ARL13B: variants seen among roughly 807,000 people sequenced by gnomAD.
The protein encoded by ARL13B is ARF like GTPase 13B, also known as ADP-ribosylation factor-like protein 13B.
Under a neutral mutation model 56.1 loss-of-function variants are expected in ARL13B, and 36 were observed. The observed-to-expected ratio is 0.64, with a 90% CI of 0.49 to 0.85. The LOEUF is 0.85. Among genes scored for constraint, ARL13B ranks in the 40% least tolerant of loss-of-function variants. The probability of loss-of-function intolerance (pLI) is 0.00; values close to 1 mark genes in which losing one functional copy is unlikely to be tolerated. For missense variants in ARL13B, 519 were observed against 507.1 expected, an observed-to-expected ratio of 1.02 and a Z score of -0.23; for synonymous variants, 178 against 171.1, an observed-to-expected ratio of 1.04 and a Z score of -0.32.
chr3:94,035,928 T>C (rs2076759664), intron 4 of ARL13B, among the ~76,000 whole-genome samples: 1 of 151,938 alleles, frequency 6.6e-6, no homozygotes, highest in Non-Finnish European at 1.5e-5. Flanking sequence ...AAAAACTAGC[T>C]GGGTGTGGTA....
At chr3:94,008,046 A>C (rs972231780) in intron 3 of ARL13B, among the ~76,000 whole-genome samples, 1 of 152,178 alleles carries the variant, frequency 6.6e-6, no homozygotes, top group Admixed American at 6.6e-5. Flanking sequence ...TTCTATAATA[A>C]AAGTAACTGT....
At chr3:93,983,943 A>C (rs1000577119) in intron 1 of ARL13B, among the ~76,000 whole-genome samples, 3 of 152,214 alleles carry the variant, frequency 2.0e-5, no homozygotes, top group African/African-American at 7.2e-5. Context: ...CTTAATTACT[A>C]ATAGCCTCCT....
chr3:94,053,125 T>C (rs1304433530), intron 9 of ARL13B, 62 bp from the exon 10 acceptor site: 5 of 1,323,856 alleles, frequency 3.8e-6, no homozygotes, highest in South Asian at 1.2e-5. Context: ...AATAATGAAC[T>C]GTGTCAAAAA....
Position 94,053,513 on chromosome 3 carries a change from G to A in ARL13B, c.*250G>A. The A allele has an allele frequency of 3.3e-6, 2 of 608,942 alleles. No individual in the cohort carries two copies. The highest frequency in any genetic ancestry group is 3.1e-6 in the Non-Finnish European group (1 of 327,500). 37.7% of individuals were successfully genotyped at this position (608,942 alleles called of 1,614,324 possible). A position where few individuals can be genotyped will look rare whatever the true frequency, so the allele number is the denominator to read the frequency against. On this transcript the variant is annotated 3_prime_UTR_variant, in exon 10 of 10. Transcript: ENST00000394222. ...TTGGACCAAATTAGCAAGATTTACTGTTGACTCTGGTTTATACATCCCCAC... is the reference window on the plus strand; with the variant it reads ...TTGGACCAAATTAGCAAGATTTACTATTGACTCTGGTTTATACATCCCCAC...
chr3:94,033,230 G>A (rs2076707930), intron 3 of ARL13B, among the ~76,000 whole-genome samples: 1 of 152,110 alleles, frequency 6.6e-6, no homozygotes, highest in Non-Finnish European at 1.5e-5. Context: ...GAGGGTGGAA[G>A]GGGAGTTAGA....
At chr3:94,032,748 G>A (rs924259618) in intron 3 of ARL13B, among the ~76,000 whole-genome samples, 42 of 152,082 alleles carry the variant, frequency 2.8e-4, no homozygotes, top group Non-Finnish European at 4.6e-4. Flanking sequence ...CGCCCGCCTC[G>A]GCCTCCCAAA....
chr3:94,045,950 C>CAAAAA (rs1199964643), intron 7 of ARL13B, among the ~76,000 whole-genome samples: 3 of 44,426 alleles, frequency 6.8e-5, no homozygotes, highest in Non-Finnish European at 8.2e-5. Flanking sequence ...GACTCCATCA[C>CAAAAA]AAAAAAAAAA....
At chr3:94,006,225 G>A (rs2076132357) in intron 3 of ARL13B, among the ~76,000 whole-genome samples, 1 of 152,136 alleles carries the variant, frequency 6.6e-6, no homozygotes, top group Admixed American at 6.5e-5. Flanking sequence ...AAACCTGGGA[G>A]GTGGAGGTTG....
At chr3:93,991,108 C>A (rs1387082918) in intron 1 of ARL13B, among the ~76,000 whole-genome samples, 4 of 152,030 alleles carry the variant, frequency 2.6e-5, no homozygotes, top group African/African-American at 9.7e-5. Context: ...TTTTTGTGTC[C>A]ACAATGCTTA....
intron 7 of ARL13B, among the ~76,000 whole-genome samples, chr3:94,047,039 T>G (rs2076995369): frequency 6.6e-6 from 1 of 152,176 alleles, no homozygotes; most frequent in African/African-American, 2.4e-5. Flanking sequence ...ATCTCTAAAA[T>G]GCAAATAAAT....
chr3:94,030,327 A>G (rs1318585372), intron 3 of ARL13B, among the ~76,000 whole-genome samples: 1 of 151,800 alleles, frequency 6.6e-6, no homozygotes, highest in Non-Finnish European at 1.5e-5. Context: ...CCTGGGTTCA[A>G]GCGATTCTCA....
rs2077030562 is a variant in ARL13B, at chr3:94,049,293, A to G, written c.1025-113A>G. 6 of 591,678 alleles carry G rather than the reference A, an allele frequency of 1.0e-5. No individual in the cohort carries two copies. The South Asian group carries it at 1.6e-4, about 15-fold the overall frequency. The allele number at this position is 591,678 out of a possible 1,614,324, so 36.7% of individuals were successfully genotyped here. A position where few individuals can be genotyped will look rare whatever the true frequency, so the allele number is the denominator to read the frequency against. The stretch of plus-strand genomic sequence containing the variant: ...ATTGTAACAATTTCCAAAGTTAAAT[A>G]GTCAAGATGTTTTTTGTTAATAATA... On this transcript the variant is annotated intron_variant, in intron 7 of 9. Transcript: ENST00000394222.
At chr3:94,004,045 T>A in intron 3 of ARL13B, 137 bp downstream of exon 3, 2 of 1,320,392 alleles carry the variant, frequency 1.5e-6, no homozygotes, top group Non-Finnish European at 2.1e-6. Flanking sequence ...AACTGGGAGT[T>A]GTTAATTTAC....
intron 2 of ARL13B, among the ~76,000 whole-genome samples, chr3:94,000,410 C>A (rs968189203): frequency 6.6e-6 from 1 of 152,010 alleles, no homozygotes; most frequent in Non-Finnish European, 1.5e-5. Context: ...ATCTAGGATT[C>A]TCTTGACTAT....
intron 3 of ARL13B, among the ~76,000 whole-genome samples, chr3:94,011,265 A>G (rs2076219621): frequency 6.6e-6 from 1 of 152,142 alleles, no homozygotes; most frequent in Non-Finnish European, 1.5e-5. Flanking sequence ...CCAGTCATCT[A>G]CACATTCTGT....
chr3:94,026,456 G>A (rs2076559859), intron 3 of ARL13B, among the ~76,000 whole-genome samples: 1 of 151,994 alleles, frequency 6.6e-6, no homozygotes, highest in Admixed American at 6.6e-5. Context: ...TGACTTGATA[G>A]GTACTCAAAT....
chr3:93,997,319 T>A, intron 2 of ARL13B, among the ~76,000 whole-genome samples: 1 of 152,254 alleles, frequency 6.6e-6, no homozygotes, highest in South Asian at 2.1e-4. Context: ...TTGGGAGAAA[T>A]GCATAACATG....
At chr3:93,991,745 A>G (rs538006838) in intron 1 of ARL13B, among the ~76,000 whole-genome samples, 1 of 152,336 alleles carries the variant, frequency 6.6e-6, no homozygotes, top group South Asian at 2.1e-4. Flanking sequence ...ACCTCTTTAT[A>G]GAAGTTTGAG....
In ARL13B at chr3:94,049,645, A is replaced by G. The variant is rs1040136863; in HGVS notation, c.1141+123A>G. ...TATTCATTATCTTGTATACTTGTGAAGAAGAATCTTTTACTCTGATTTGGA... is the reference window on the plus strand; with the variant it reads ...TATTCATTATCTTGTATACTTGTGAGGAAGAATCTTTTACTCTGATTTGGA... On this transcript the variant is annotated intron_variant, in intron 8 of 9. Transcript: ENST00000394222. 5.9e-6 allele frequency: 4 copies of G among 675,214 alleles called. 1 individual carries two copies. The African/African-American group carries it at 7.4e-5, about 13-fold the overall frequency. 41.8% of individuals were successfully genotyped at this position (675,214 alleles called of 1,614,324 possible).
Sources: allele counts gnomAD v4.1 joint callset (sites outside exome capture counted in the v4.1 genomes callset), GRCh38; gene constraint gnomAD v4.1.1; transcripts MANE v1.5; gene names NCBI Gene and HGNC (gene_info 2026-07-23, HGNC 2026-07-21).